ZNF674: variants seen among roughly 807,000 people sequenced by gnomAD.
The protein encoded by ZNF674 is zinc finger protein 674.
Under a neutral mutation model 7.0 loss-of-function variants are expected in ZNF674, and 2 were observed. That is an observed-to-expected ratio of 0.29 (90% CI 0.12 to 0.90). ZNF674 has a LOEUF of 0.90. ZNF674 is among the 40% of genes least tolerant of loss of function. The pLI is 0.57. For missense variants in ZNF674, 297 were observed against 415.5 expected (o/e 0.71, Z 2.48); for synonymous variants, 103 against 145.2 (o/e 0.71, Z 2.09).
chrX:46,519,265 A>ATGAT (rs1569476445), intron 5 of ZNF674, among the ~76,000 whole-genome samples: 1,033 of 45,523 alleles, frequency 0.023, 12 homozygotes, highest in Non-Finnish European at 0.033. Context: ...TAGATAGATA[A>ATGAT]AGATAGATGA....
chrX:46,500,758 C>T lies in ZNF674; in HGVS notation c.816G>A (p.Glu272=), dbSNP rs1349002710. ...LIAHQRTHTG[E]KPYECSECGK... is the part of the protein sequence containing the mutation. The stretch of plus-strand genomic sequence containing the variant: ...CACATTCACTGCATTCATAGGGCTT[C>T]TCCCCTGTGTGAGTTCTCTGGTGTG... Residue 272 remains glutamate, a synonymous_variant, in exon 6 of 6, where the codon GAG becomes GAA. Coordinates refer to ENST00000683375, the MANE Select transcript of ZNF674 (RefSeq NM_001190417.2). The T allele has an allele frequency of 8.3e-7, 1 of 1,201,428 alleles. No individual in the cohort carries two copies. Among genetic ancestry groups the T allele is most frequent in the Admixed American group, 2.3e-5 (1 of 44,341 alleles).
At chrX:46,542,360 CAACTT>C (rs1206872791) in intron 2 of ZNF674, among the ~76,000 whole-genome samples, 1 of 111,983 alleles carries the variant, frequency 8.9e-6, no homozygotes, top group African/African-American at 3.2e-5. Context: ...AAACCAGTAA[CAACTT>C]AACATCTCCT....
At chrX:46,531,437 C>A (rs1406236574) in intron 3 of ZNF674, among the ~76,000 whole-genome samples, 1 of 111,687 alleles carries the variant, frequency 9.0e-6, no homozygotes, top group Non-Finnish European at 1.9e-5. Flanking sequence ...TGGGGGTAGT[C>A]TTGTGGGACT....
intron 3 of ZNF674, among the ~76,000 whole-genome samples, chrX:46,535,112 T>C (rs1344356768): frequency 8.9e-6 from 1 of 111,868 alleles, no homozygotes; most frequent in African/African-American, 3.2e-5. Context: ...CATGACTGCC[T>C]AGACATTAGA....
At chrX:46,513,616 T>C in intron 5 of ZNF674, among the ~76,000 whole-genome samples, 1 of 112,184 alleles carries the variant, frequency 8.9e-6, no homozygotes, top group Middle Eastern at 4.6e-3. Context: ...TTTTAGGGGA[T>C]TAATTTGACA....
At position 46,500,360 on chromosome X, in the gene ZNF674, T is replaced by C. The variant is rs1941394947; in HGVS notation, c.1214A>G (p.Glu405Gly). 8.3e-7 allele frequency: 1 copy of C among 1,209,701 alleles called. No individual in the cohort carries two copies. The highest frequency in any genetic ancestry group is 1.8e-5 in the South Asian group (1 of 56,843). The change falls in exon 6 of 6, where the codon GAG (glutamate) becomes GGG (glycine). Residue 405 changes from glutamate to glycine, a missense_variant. Glu to Gly is a moderately conservative substitution (Grantham distance 98). Transcript: ENST00000683375. ...ACATATACTACATTCATAGGGTTTCTCTCCTGTATGAATTCTCTGATGAAC... is the reference window on the plus strand; with the variant it reads ...ACATATACTACATTCATAGGGTTTCCCTCCTGTATGAATTCTCTGATGAAC... ...LSVHQRIHTG[E>G]KPYECSICGK... is the part of the protein sequence containing the mutation.
At chrX:46,519,050 A>G (rs1300098935) in intron 5 of ZNF674, among the ~76,000 whole-genome samples, 3 of 106,119 alleles carry the variant, frequency 2.8e-5, no homozygotes, top group African/African-American at 1.0e-4. Flanking sequence ...TAAAAATACA[A>G]AACTTAGCTG....
intron 5 of ZNF674, among the ~76,000 whole-genome samples, chrX:46,522,617 T>G (rs1336293813): frequency 8.9e-6 from 1 of 111,890 alleles, no homozygotes; most frequent in African/African-American, 3.2e-5. Flanking sequence ...TGAGCTATGA[T>G]CACACCACTG....
intron 5 of ZNF674, among the ~76,000 whole-genome samples, chrX:46,508,186 GT>G (rs1397543490): frequency 1.8e-5 from 2 of 110,921 alleles, no homozygotes; most frequent in East Asian, 2.8e-4. Context: ...TTCAATAATT[GT>G]TTTTTTAAAT....
intron 5 of ZNF674, among the ~76,000 whole-genome samples, chrX:46,517,317 A>T (rs1270889246): frequency 9.0e-6 from 1 of 111,361 alleles, no homozygotes; most frequent in African/African-American, 3.3e-5. Flanking sequence ...TTGGAAAAAA[A>T]AACAGGGTCT....
intron 2 of ZNF674, among the ~76,000 whole-genome samples, chrX:46,542,467 C>T (rs746753515): frequency 2.7e-5 from 3 of 111,666 alleles, no homozygotes; most frequent in African/African-American, 9.8e-5. Context: ...TCCCTGCATG[C>T]GGGGGGCGCT....
At chrX:46,515,456 C>A (rs1941747102) in intron 5 of ZNF674, among the ~76,000 whole-genome samples, 1 of 110,378 alleles carries the variant, frequency 9.1e-6, no homozygotes, top group African/African-American at 3.3e-5. Flanking sequence ...CAGTATCTAT[C>A]AAACTTTTAA....
chrX:46,537,210 G>A (rs193057711), intron 3 of ZNF674, among the ~76,000 whole-genome samples: 1,319 of 110,605 alleles, frequency 0.012, 23 homozygotes, highest in African/African-American at 0.041. Context: ...GGTGGAGGTT[G>A]CAGTGATCCG....
chrX:46,513,506 G>T (rs1404633393), intron 5 of ZNF674, among the ~76,000 whole-genome samples: 2 of 111,477 alleles, frequency 1.8e-5, no homozygotes, highest in African/African-American at 3.3e-5. Flanking sequence ...GCCACATAAG[G>T]TCATAGAGCT....
intron 5 of ZNF674, among the ~76,000 whole-genome samples, chrX:46,513,355 T>C (rs6609422): frequency 0.24 from 26,773 of 111,539 alleles, 2,755 homozygotes; most frequent in Middle Eastern, 0.36. Context: ...AAATGATAAA[T>C]ACTTTCAATA....
intron 3 of ZNF674, chrX:46,529,631 T>G (rs1345724694): frequency 9.5e-6 from 1 of 105,212 alleles, no homozygotes; most frequent in Admixed American, 1.0e-4. Flanking sequence ...ATCACGCCAT[T>G]GCACTCCAGC....
At chrX:46,542,340 T>G in intron 2 of ZNF674, among the ~76,000 whole-genome samples, 1 of 112,413 alleles carries the variant, frequency 8.9e-6, no homozygotes, top group Middle Eastern at 4.6e-3. Flanking sequence ...CAAAGCCATC[T>G]ACATGTCAGA....
intron 5 of ZNF674, among the ~76,000 whole-genome samples, chrX:46,508,041 G>A (rs1465746848): frequency 7.5e-5 from 7 of 93,897 alleles, no homozygotes; most frequent in African/African-American, 1.3e-4. Flanking sequence ...CATGACCTAC[G>A]TTAATAAAAC....
At chrX:46,519,802 A>C (rs1364178900) in intron 5 of ZNF674, among the ~76,000 whole-genome samples, 1 of 111,207 alleles carries the variant, frequency 9.0e-6, no homozygotes, top group East Asian at 2.8e-4. Context: ...GTTTGTAGCA[A>C]ATTTATTCGT....
Sources: allele counts gnomAD v4.1 joint callset (sites outside exome capture counted in the v4.1 genomes callset), GRCh38; gene constraint gnomAD v4.1.1; transcripts MANE v1.5; gene names NCBI Gene and HGNC (gene_info 2026-07-23, HGNC 2026-07-21).